Variants in SPTA1 observed in about 807,000 individuals in gnomAD.
SPTA1 encodes spectrin alpha, erythrocytic 1, also known as spectrin alpha chain, erythrocytic 1.
A neutral mutation model predicts 324.7 loss-of-function variants in SPTA1; 177 were observed. That is an observed-to-expected ratio of 0.55 (90% CI 0.48 to 0.62). The LOEUF is 0.62. Among genes scored for constraint, SPTA1 ranks in the 20% least tolerant of loss-of-function variants. The pLI, the probability that SPTA1 is intolerant of heterozygous loss-of-function variation, is 0.00. For synonymous variants in SPTA1, 1,195 were observed against 1,041.3 expected (o/e 1.15, Z -2.84); for missense variants, 3,162 against 2,883.6 (o/e 1.10, Z -2.21).
chr1:158,613,908 T>C, intron 49 of SPTA1, 41 bp from the exon 50 acceptor site: 1 of 1,598,004 alleles, frequency 6.3e-7, no homozygotes, highest in Non-Finnish European at 8.5e-7. Flanking sequence ...TCAAGCTCAA[T>C]AGAAAAACCA....
At chr1:158,664,967 A>G (rs549649609) in intron 16 of SPTA1, among the ~76,000 whole-genome samples, 36 of 152,336 alleles carry the variant, frequency 2.4e-4, no homozygotes, top group African/African-American at 8.4e-4. Flanking sequence ...CTTAAACTAT[A>G]TAATGAAAAC....
chr1:158,643,083 A>G, intron 31 of SPTA1, 107 bp from the exon 32 acceptor site: 1 of 1,463,488 alleles, frequency 6.8e-7, no homozygotes, highest in Non-Finnish European at 9.4e-7. Flanking sequence ...TTCTTCTCAC[A>G]TAGTCTTATT....
Position 158,613,421 on chromosome 1 carries a change from C to G in SPTA1, c.6989+300G>C, listed in dbSNP as rs565768066. 5.9e-5 allele frequency among the ~76,000 whole-genome samples: 9 copies of G among 152,244 alleles called. No individual in the cohort carries two copies. The South Asian group carries it at 1.9e-3, about 32-fold the overall frequency. On this transcript the variant is annotated intron_variant, in intron 50 of 51. Coordinates refer to ENST00000643759, the MANE Select transcript of SPTA1 (RefSeq NM_003126.4). ...AATCACCTATGTCTCCTTAAAATCTCACATACATGAAGGGATTCTTCTCTC... is the reference window on the plus strand; with the variant it reads ...AATCACCTATGTCTCCTTAAAATCTGACATACATGAAGGGATTCTTCTCTC...
chr1:158,664,670 T>G (rs1404869236), intron 16 of SPTA1, among the ~76,000 whole-genome samples: 2 of 152,052 alleles, frequency 1.3e-5, no homozygotes, highest in Non-Finnish European at 2.9e-5. Context: ...GTAAAATAAA[T>G]TAAAACCAAA....
In SPTA1 at chr1:158,640,847, C is replaced by T. The variant is rs540478433; in HGVS notation, c.4738-840G>A. On this transcript the variant is annotated intron_variant, in intron 33 of 51. Coordinates refer to ENST00000643759, the MANE Select transcript of SPTA1 (RefSeq NM_003126.4). ...TGGAACCAAAAAAGAGCCTACATTGCCAAGTCAATCCTAAGGCAAAAGAAC... is the reference window on the plus strand; with the variant it reads ...TGGAACCAAAAAAGAGCCTACATTGTCAAGTCAATCCTAAGGCAAAAGAAC... Among the ~76,000 whole-genome samples, 6 of 152,228 alleles carry T rather than the reference C, an allele frequency of 3.9e-5. No homozygotes were observed. In the East Asian group the frequency reaches 9.6e-4, roughly 24 times the overall value.
At chr1:158,683,232 G>A in intron 3 of SPTA1, 139 bp downstream of exon 3, 1 of 1,181,748 alleles carries the variant, frequency 8.5e-7, no homozygotes. Flanking sequence ...CATTTTTTAT[G>A]CCTCAACCCC....
At position 158,638,214 on chromosome 1, in the gene SPTA1, C is replaced by A. The variant is rs1262446390; in HGVS notation, c.5008G>T (p.Ala1670Ser). Residue 1670 changes from alanine (A) to serine (S), a missense_variant, in exon 36 of 52, where the codon GCT becomes TCT. Ala to Ser is a moderately conservative substitution (Grantham distance 99, BLOSUM62 1). Transcript: ENST00000643759. ...EDALKDLNTL[A>S]EDLLSSGTFN... ...GTCCCGCTGGAGAGCAAATCTTCAGCCAATGTATTCAGGTCCTTGAGTGCA... is the reference window on the plus strand; with the variant it reads ...GTCCCGCTGGAGAGCAAATCTTCAGACAATGTATTCAGGTCCTTGAGTGCA... 1.9e-6 allele frequency: 3 copies of A among 1,613,004 alleles called. No homozygotes were observed. The South Asian group carries it at 3.3e-5, about 18-fold the overall frequency.
rs1307578079 is a variant in SPTA1, at chr1:158,681,627, A to G, written c.431T>C (p.Leu144Ser). The G allele has an allele frequency of 6.2e-7, 1 of 1,613,638 alleles. No homozygotes were observed. The highest frequency in any genetic ancestry group is 1.1e-5 in the South Asian group (1 of 91,074). ...EELRHLWDLL[L>S]ELTLEKGDQL... ...GTCACCCTTCTCCAGGGTCAGCTCT[A>G]ACAGCAGGTCCCACAGGTGGCGTAG... Residue 144 changes from leucine (L) to serine (S), a missense_variant, in exon 4 of 52, where the codon TTA (leucine) becomes TCA (serine). Coordinates refer to ENST00000643759, the MANE Select transcript of SPTA1 (RefSeq NM_003126.4).
intron 16 of SPTA1, among the ~76,000 whole-genome samples, chr1:158,665,195 T>C (rs377562849): frequency 2.6e-5 from 4 of 152,152 alleles, no homozygotes; most frequent in African/African-American, 9.7e-5. Context: ...TTGTTTGCTT[T>C]TAAAGAAAAA....
At chr1:158,681,761 C>A (rs1172594283) in intron 3 of SPTA1, 94 bp from the exon 4 acceptor site, 3 of 1,534,342 alleles carry the variant, frequency 2.0e-6, no homozygotes, top group South Asian at 1.1e-5. Context: ...GATAAAAATT[C>A]TTCTCTCAGT....
chr1:158,636,706 G>C lies in SPTA1; in HGVS notation c.5245C>G (p.Gln1749Glu). 6.2e-7 allele frequency: 1 copy of C among 1,614,070 alleles called. No individual in the cohort carries two copies. Among genetic ancestry groups the C allele is most frequent in the Non-Finnish European group, 8.5e-7 (1 of 1,180,014 alleles). ...CGTTTGTGCTTCTTCAGCAAGTTCTGAACCCCCTGAAGATCTCTCCCATAG... is the reference window on the plus strand; with the variant it reads ...CGTTTGTGCTTCTTCAGCAAGTTCTCAACCCCCTGAAGATCTCTCCCATAG... ...QDYGRDLQGV[Q>E]NLLKKHKRLE... The change falls in exon 37 of 52, where the codon CAG becomes GAG. Residue 1749 changes from glutamine to glutamate, a missense_variant. Gln to Glu is a conservative substitution (Grantham distance 29, BLOSUM62 2). Transcript: ENST00000643759.
chr1:158,626,381 T>G (rs898750307), intron 41 of SPTA1, among the ~76,000 whole-genome samples, 159 bp from the exon 42 acceptor site: 1 of 152,182 alleles, frequency 6.6e-6, no homozygotes, highest in Non-Finnish European at 1.5e-5. Flanking sequence ...ATGGATCGTT[T>G]TTCTACCTAG....
intron 36 of SPTA1, 135 bp from the exon 37 acceptor site, chr1:158,636,896 A>G: frequency 2.0e-6 from 3 of 1,473,184 alleles, no homozygotes; most frequent in East Asian, 2.3e-5. Flanking sequence ...CCTGGTGCCA[A>G]TGACCAAAAA....
At chr1:158,647,420 A>T in intron 27 of SPTA1, 119 bp downstream of exon 27, 1 of 1,252,340 alleles carries the variant, frequency 8.0e-7, no homozygotes. Context: ...GCCTTGCAAG[A>T]GGTGAGACTT....
In SPTA1 at chr1:158,662,850, T is replaced by C; in HGVS notation, c.2316A>G (p.Val772=). The change falls in exon 17 of 52, where the codon GTA becomes GTG. Residue 772 remains valine (V), a synonymous_variant. Transcript: ENST00000643759. ...KDIRARQESL[V]CRFEALKEPL... ...GCTCTTTCAGAGCTTCAAATCGGCATACCAAGGACTCTTGCCTTGCCCTTA... is the reference window on the plus strand; with the variant it reads ...GCTCTTTCAGAGCTTCAAATCGGCACACCAAGGACTCTTGCCTTGCCCTTA... 6.2e-6 allele frequency: 10 copies of C among 1,614,126 alleles called. No homozygotes were observed. Among genetic ancestry groups the C allele is most frequent in the Non-Finnish European group, 8.5e-6 (10 of 1,179,990 alleles).
At chr1:158,617,940 T>C in intron 46 of SPTA1, 99 bp downstream of exon 46, 1 of 1,172,364 alleles carries the variant, frequency 8.5e-7, no homozygotes, top group Non-Finnish European at 1.3e-6. Flanking sequence ...TACTACCAGA[T>C]TACAATGGAA....
chr1:158,671,284 T>C (rs1654003247), intron 12 of SPTA1, 59 bp downstream of exon 12: 5 of 1,194,774 alleles, frequency 4.2e-6, no homozygotes, highest in Non-Finnish European at 6.2e-6. Flanking sequence ...GGACAGGTAT[T>C]GTGTAAAATT....
chr1:158,625,997 T>C (rs1213427231), intron 42 of SPTA1, 149 bp downstream of exon 42: 51 of 643,978 alleles, frequency 7.9e-5, no homozygotes, highest in Non-Finnish European at 1.9e-5. Context: ...AGGGAAAAAA[T>C]AATAATTAGG....
chr1:158,678,104 C>A (rs1190287918), intron 6 of SPTA1, among the ~76,000 whole-genome samples: 1 of 152,284 alleles, frequency 6.6e-6, no homozygotes, highest in African/African-American at 2.4e-5. Context: ...TTCTTCCTAA[C>A]TCCACCTTCC....
Sources: gnomAD v4.1 joint callset for allele counts (sites outside exome capture counted in the v4.1 genomes callset) on GRCh38, gnomAD v4.1.1 for gene constraint, MANE v1.5 for transcripts, NCBI Gene and HGNC (gene_info 2026-07-23, HGNC 2026-07-21) for gene names.